The following KCTD16 variants were observed in gnomAD, a reference collection of about 807,000 sequenced individuals.
The protein encoded by KCTD16 is BTB/POZ domain-containing protein KCTD16.
A neutral mutation model predicts 33.2 loss-of-function variants in KCTD16; 13 were observed. The ratio of observed to expected loss-of-function variants is 0.39; its 90% confidence interval spans 0.25 to 0.62. The LOEUF is 0.62. Ranked by LOEUF, KCTD16 falls within the 20% of genes least tolerant of loss-of-function variation. The pLI, the probability that KCTD16 is intolerant of heterozygous loss-of-function variation, is 0.50. For synonymous variants in KCTD16, 197 were observed against 195.3 expected (o/e 1.01, Z -0.07); for missense variants, 441 against 525.1 (o/e 0.84, Z 1.57).
At chr5:144,309,618 T>G (rs769831371) in intron 3 of KCTD16, among the ~76,000 whole-genome samples, 1 of 152,160 alleles carries the variant, frequency 6.6e-6, no homozygotes, top group Non-Finnish European at 1.5e-5. Context: ...TTCAATCCCT[T>G]GGAGTTCTGG....
intron 3 of KCTD16, among the ~76,000 whole-genome samples, chr5:144,397,131 T>C (rs1330282764): frequency 2.2e-5 from 3 of 137,134 alleles, no homozygotes; most frequent in Admixed American, 7.8e-5. Flanking sequence ...TGTCCAAGTG[T>C]TCTCATTGTT....
chr5:144,200,770 C>T (rs988187075), intron 2 of KCTD16, among the ~76,000 whole-genome samples: 1 of 152,196 alleles, frequency 6.6e-6, no homozygotes, highest in African/African-American at 2.4e-5. Flanking sequence ...TAGGGTCTCA[C>T]TCTGTTGCCC....
intron 3 of KCTD16, among the ~76,000 whole-genome samples, chr5:144,428,167 G>A (rs907593757): frequency 1.3e-5 from 2 of 152,068 alleles, no homozygotes; most frequent in Admixed American, 6.6e-5. Context: ...CACTAGGTAC[G>A]CCTTCCTTAG....
At chr5:144,359,987 C>T (rs1273594376) in intron 3 of KCTD16, among the ~76,000 whole-genome samples, 1 of 152,158 alleles carries the variant, frequency 6.6e-6, no homozygotes, top group Non-Finnish European at 1.5e-5. Context: ...GGTCCATACC[C>T]AGAATGTCTT....
At chr5:144,374,745 GCTA>G (rs1440125879) in intron 3 of KCTD16, among the ~76,000 whole-genome samples, 1 of 152,038 alleles carries the variant, frequency 6.6e-6, no homozygotes, top group African/African-American at 2.4e-5. Context: ...AATGAAAATG[GCTA>G]CTTTTTTTTT....
chr5:144,351,116 G>A (rs1190132821), intron 3 of KCTD16, among the ~76,000 whole-genome samples: 2 of 152,142 alleles, frequency 1.3e-5, no homozygotes, highest in African/African-American at 4.8e-5. Context: ...TCAGAAATAC[G>A]TATTACTTCC....
intron 3 of KCTD16, among the ~76,000 whole-genome samples, chr5:144,429,935 T>C (rs1753420651): frequency 6.7e-6 from 1 of 149,944 alleles, no homozygotes. Context: ...GGAGGAGAAA[T>C]AGAAAGGGAA....
chr5:144,376,661 T>A (rs1752100783), intron 3 of KCTD16, among the ~76,000 whole-genome samples: 1 of 152,186 alleles, frequency 6.6e-6, no homozygotes. Flanking sequence ...CCAAGTGAAA[T>A]GCAATATATA....
chr5:144,435,191 G>A (rs146280470), intron 3 of KCTD16, among the ~76,000 whole-genome samples: 126 of 152,194 alleles, frequency 8.3e-4, no homozygotes, highest in African/African-American at 1.1e-3. Context: ...CCCCTTACCC[G>A]CTCCATTTTA....
At chr5:144,285,167 C>T (rs1003579696) in intron 3 of KCTD16, among the ~76,000 whole-genome samples, 4 of 152,166 alleles carry the variant, frequency 2.6e-5, no homozygotes, top group African/African-American at 7.2e-5. Context: ...AAGAAAGAGA[C>T]CAGAGACTGA....
chr5:144,274,017 CATAACATATTATATTAAAATA>C, intron 3 of KCTD16, among the ~76,000 whole-genome samples: 2 of 148,854 alleles, frequency 1.3e-5, no homozygotes, highest in African/African-American at 4.9e-5. Context: ...TTAAAATATA[CATAACATATTATATTAAAATA>C]TAATAAAAAA....
intron 3 of KCTD16, among the ~76,000 whole-genome samples, chr5:144,367,996 T>TCC (rs971167651): frequency 1.3e-5 from 2 of 151,758 alleles, no homozygotes; most frequent in African/African-American, 2.4e-5. Flanking sequence ...TAATGCTAAC[T>TCC]CCCCCACTCA....
chr5:144,457,322 A>C (rs1754088483), intron 3 of KCTD16, among the ~76,000 whole-genome samples: 1 of 152,200 alleles, frequency 6.6e-6, no homozygotes, highest in Non-Finnish European at 1.5e-5. Flanking sequence ...GCTGTATCGC[A>C]AGAGAGATGT....
At chr5:144,463,526 T>C (rs955983326) in intron 3 of KCTD16, among the ~76,000 whole-genome samples, 1 of 152,202 alleles carries the variant, frequency 6.6e-6, no homozygotes, top group African/African-American at 2.4e-5. Context: ...TTTCCAACAT[T>C]TTTTGATGAA....
At chr5:144,378,099 G>A (rs560536273) in intron 3 of KCTD16, among the ~76,000 whole-genome samples, 1 of 152,248 alleles carries the variant, frequency 6.6e-6, no homozygotes, top group South Asian at 2.1e-4. Context: ...CATGGTTTGG[G>A]ATTTTAAGGA....
At chr5:144,199,996 C>A (rs940498930) in intron 2 of KCTD16, among the ~76,000 whole-genome samples, 7 of 151,998 alleles carry the variant, frequency 4.6e-5, no homozygotes, top group African/African-American at 1.7e-4. Context: ...GTTTTGAAGA[C>A]AAATTTAAAA....
At chr5:144,329,096 A>T (rs935948175) in intron 3 of KCTD16, among the ~76,000 whole-genome samples, 1 of 152,056 alleles carries the variant, frequency 6.6e-6, no homozygotes, top group Admixed American at 6.6e-5. Flanking sequence ...GCATCCCACA[A>T]TGTTGACACC....
chr5:144,400,200 G>A (rs1752671286), intron 3 of KCTD16, among the ~76,000 whole-genome samples: 1 of 152,234 alleles, frequency 6.6e-6, no homozygotes, highest in African/African-American at 2.4e-5. Context: ...GACAGAGGAA[G>A]TACCTTGCAG....
intron 3 of KCTD16, among the ~76,000 whole-genome samples, chr5:144,425,077 C>T (rs1205909678): frequency 6.6e-6 from 1 of 152,190 alleles, no homozygotes; most frequent in Non-Finnish European, 1.5e-5. Context: ...ATGATTCATC[C>T]TGAGGCAAAT....
Sources: gnomAD v4.1 joint callset for allele counts (sites outside exome capture counted in the v4.1 genomes callset) on GRCh38, gnomAD v4.1.1 for gene constraint, MANE v1.5 for transcripts, NCBI Gene and HGNC (gene_info 2026-07-23, HGNC 2026-07-21) for gene names.